DHPS: variants seen among roughly 807,000 people sequenced by gnomAD.
DHPS encodes the protein migration-inducing gene 13.
A neutral mutation model predicts 38.7 loss-of-function variants in DHPS; 24 were observed. The ratio of observed to expected loss-of-function variants is 0.62; its 90% CI spans 0.45 to 0.87. The LOEUF (loss-of-function observed/expected upper bound fraction) is 0.87. Among genes scored for constraint, DHPS ranks in the 40% least tolerant of loss-of-function variants. The pLI is 0.00. For missense variants in DHPS, 510 were observed against 497.6 expected (o/e 1.02, Z -0.24); for synonymous variants, 250 against 204.4 (o/e 1.22, Z -1.90).
chr19:12,675,092 G>A (rs10426587), downstream of DHPS, among the ~76,000 whole-genome samples: 20,695 of 150,268 alleles, frequency 0.14, 4,286 homozygotes, highest in African/African-American at 0.45. Flanking sequence ...CCAGCCTGGC[G>A]ACAGAGCAAG....
rs61730841 is a variant in DHPS, at chr19:12,675,920, G to C, written c.1028C>G (p.Ala343Gly). 5 of 1,607,584 alleles carry C rather than the reference G, an allele frequency of 3.1e-6. No individual in the cohort carries two copies. The highest frequency in any genetic ancestry group is 4.2e-6 in the Non-Finnish European group (5 of 1,176,750). Residue 343 changes from alanine to glycine, a missense_variant, in exon 9 of 9, where the codon GCC becomes GGC. Ala to Gly is a moderately conservative substitution (Grantham distance 60). Transcript: ENST00000210060. ...DAQPVKVYADASLVFPLLVAE... is the reference protein window; with the variant it reads ...DAQPVKVYADGSLVFPLLVAE... ...CACAAGCAGGGGGAAGACCAGGGAG[G>C]CGTCAGCATAGACCTGGGTAGGGGG...
chr19:12,673,653 T>G (rs1323759027), downstream of DHPS, among the ~76,000 whole-genome samples: 1 of 151,032 alleles, frequency 6.6e-6, no homozygotes, highest in African/African-American at 2.4e-5. Flanking sequence ...CCTGACCTCA[T>G]GATCCACCCA....
chr19:12,677,940 C>A (rs537218756), intron 5 of DHPS, among the ~76,000 whole-genome samples: 1 of 150,970 alleles, frequency 6.6e-6, no homozygotes, highest in East Asian at 2.0e-4. Flanking sequence ...CGTGCCCGGC[C>A]GTCTAATTCT....
Position 12,678,239 on chromosome 19 carries a change from C to A in DHPS, c.679-843G>T, listed in dbSNP as rs1322708936. ...CGCCATTGGACTCTGGCCTGGGTAA[C>A]AAGAGCAAAACTCCGTCTCAAAAAA... On this transcript the variant is annotated intron_variant, in intron 5 of 8. Transcript: ENST00000210060. 2.0e-5 allele frequency among the ~76,000 whole-genome samples: 3 copies of A among 148,700 alleles called. No individual in the cohort carries two copies. In the Admixed American group the frequency reaches 2.0e-4, roughly 10 times the overall value.
At chr19:12,676,728 T>C (rs111290004) in intron 7 of DHPS, 4 of 289,898 alleles carry the variant, frequency 1.4e-5, no homozygotes, top group Middle Eastern at 1.3e-3. Context: ...GCAATGGCTG[T>C]TCCCTCTCCT....
At chr19:12,673,327 C>T (rs766378557), downstream of DHPS, 1 of 1,607,612 alleles carries the variant, frequency 6.2e-7, no homozygotes, top group Admixed American at 1.7e-5. Flanking sequence ...GTGAGGTGCC[C>T]CCAGCCCTAC....
At chr19:12,678,768 C>CAAAA (rs1183531365) in intron 5 of DHPS, among the ~76,000 whole-genome samples, 3 of 46,336 alleles carry the variant, frequency 6.5e-5, no homozygotes, top group African/African-American at 1.8e-4. Flanking sequence ...GACTCTGTCT[C>CAAAA]AAAAAAAAAA....
chr19:12,672,735 A>G (rs547970373), downstream of DHPS: 502 of 1,129,808 alleles, frequency 4.4e-4, 5 homozygotes, highest in South Asian at 6.6e-3. Context: ...GAGCTTCAGA[A>G]TTCCACTCCT....
chr19:12,681,642 TAATTCACACCGCGGTTGA>T lies in DHPS; in HGVS notation c.107_124del (p.Phe36_Asn41del). 6.2e-7 allele frequency: 1 copy of T among 1,614,204 alleles called. No homozygotes were observed. The highest frequency in any genetic ancestry group is 8.5e-7 in the Non-Finnish European group (1 of 1,180,040). ...GCCGAAGGCCTCCAGCAGTGCGCGG[TAATTCACACCGCGGTTGA>T]AGTCGTAGCCCCGGACCTGGGTGCT... On this transcript the variant is annotated inframe_deletion, in exon 1 of 9. Transcript: ENST00000210060.
At chr19:12,676,188 G>GATAC in intron 7 of DHPS, 46 bp from the exon 8 acceptor site, 1 of 1,556,306 alleles carries the variant, frequency 6.4e-7, no homozygotes. Flanking sequence ...CCAGTCACAG[G>GATAC]AGACAGACAC....
chr19:12,681,517 G>C, intron 1 of DHPS, 43 bp downstream of exon 1: 1 of 1,608,408 alleles, frequency 6.2e-7, no homozygotes, highest in Non-Finnish European at 8.5e-7. Context: ...GGTTCTACAA[G>C]CCACGCCCCT....
chr19:12,679,189 T>G (rs1363720916), intron 5 of DHPS, among the ~76,000 whole-genome samples: 1 of 151,694 alleles, frequency 6.6e-6, no homozygotes, highest in African/African-American at 2.4e-5. Flanking sequence ...TCCCAGCTAC[T>G]CGAGAGGCTG....
chr19:12,673,607 A>G (rs888278740), downstream of DHPS, among the ~76,000 whole-genome samples: 1 of 151,794 alleles, frequency 6.6e-6, no homozygotes, highest in African/African-American at 2.4e-5. Flanking sequence ...TAGTAGAGAC[A>G]GGGTTTCACT....
rs1253984555 is a variant in DHPS, at chr19:12,680,207, C to A, written c.326G>T (p.Ser109Ile). ...IFLGYTSNLI[S>I]SGIRETIRYL... ...GCGAATGGTCTCACGGATGCCTGAA[C>A]TGATGAGGTTGGATGTATATCCCAG... The change falls in exon 2 of 9, where the codon AGT (serine) becomes ATT (isoleucine). Residue 109 changes from serine (S) to isoleucine (I), a missense_variant. Physicochemically the swap from Ser to Ile is moderately radical, Grantham distance 142. Coordinates refer to ENST00000210060, the MANE Select transcript of DHPS (RefSeq NM_001930.4). 6.2e-7 allele frequency: 1 copy of A among 1,614,202 alleles called. No homozygotes were observed. Among genetic ancestry groups the A allele is most frequent in the Admixed American group, 1.7e-5 (1 of 60,018 alleles).
At position 12,679,827 on chromosome 19, in the gene DHPS, C is replaced by T. The variant is rs1329068297; in HGVS notation, c.468G>A (p.Lys156=). ...TATTGATCCCGTTCTCCCGGAGCTC[C>T]TTCCCCCTGAGGCTAAACTCGCCCA... ...TYLGEFSLRG[K]ELRENGINRI... is the part of the protein sequence containing the mutation. Residue 156 remains lysine (K), a synonymous_variant, in exon 3 of 9, where the codon AAG becomes AAA. Transcript: ENST00000210060. The T allele has an allele frequency of 6.2e-7, 1 of 1,614,170 alleles. No individual in the cohort carries two copies. Among genetic ancestry groups the T allele is most frequent in the South Asian group, 1.1e-5 (1 of 91,074 alleles).
rs375449470 is a variant in DHPS at position 12,681,712 on chromosome 19, T to G, written c.55A>C (p.Lys19Gln). ...APAGALAAVL[K>Q]HSSTLPPEST... is the part of the protein sequence containing the mutation. ...TCGGGCGGCAACGTCGAGCTGTGCT[T>G]TAGCACGGCGGCCAGCGCCCCCGCT... Residue 19 changes from lysine to glutamine, a missense_variant, in exon 1 of 9, where the codon AAG (lysine) becomes CAG (glutamine). Physicochemically the swap from Lys to Gln is moderately conservative, Grantham distance 53 (BLOSUM62 1). Coordinates refer to ENST00000210060, the MANE Select transcript of DHPS (RefSeq NM_001930.4). The G allele has an allele frequency of 6.1e-5, 98 of 1,613,600 alleles. No individual in the cohort carries two copies. Among genetic ancestry groups the G allele is most frequent in the Non-Finnish European group, 8.1e-5 (96 of 1,180,014 alleles).
At position 12,679,836 on chromosome 19, in the gene DHPS, GA is replaced by G; in HGVS notation, c.458del (p.Leu153ProfsTer31). On this transcript the variant is annotated frameshift_variant, in exon 3 of 9. Coordinates refer to ENST00000210060, the MANE Select transcript of DHPS (RefSeq NM_001930.4). LOFTEE classifies it high-confidence loss of function. ...LAPTYLGEFS[L>X]RGKELRENGI... ...CGTTCTCCCGGAGCTCCTTCCCCCT[GA>G]GGCTAAACTCGCCCAAGTATGTGGG... The G allele has an allele frequency of 6.2e-7, 1 of 1,614,142 alleles. No individual in the cohort carries two copies. Among genetic ancestry groups the G allele is most frequent in the Non-Finnish European group, 8.5e-7 (1 of 1,180,018 alleles).
intron 1 of DHPS, chr19:12,681,311 C>A (rs1488760791): frequency 4.3e-6 from 5 of 1,152,446 alleles, no homozygotes; most frequent in Non-Finnish European, 5.9e-6. Flanking sequence ...GTACCTAGAA[C>A]CCGCCCCCAC....
chr19:12,674,414 G>C (rs1270107015), downstream of DHPS, among the ~76,000 whole-genome samples: 1 of 152,166 alleles, frequency 6.6e-6, no homozygotes, highest in Non-Finnish European at 1.5e-5. Flanking sequence ...GCTTGGCCAG[G>C]GGAACTAAGG....
Sources: allele counts gnomAD v4.1 joint callset (sites outside exome capture counted in the v4.1 genomes callset), GRCh38; gene constraint gnomAD v4.1.1; transcripts MANE v1.5; gene names NCBI Gene and HGNC (gene_info 2026-07-23, HGNC 2026-07-21).